The following METTL24 variants were observed in gnomAD, a reference collection of about 807,000 sequenced individuals.
METTL24 encodes the protein methyltransferase like 24.
In METTL24, 29 loss-of-function variants were observed where a neutral mutation model predicts 32.7. The observed-to-expected ratio is 0.89, with a 90% CI of 0.66 to 1.21. The LOEUF is 1.21. METTL24 is among the 50% of genes most tolerant of loss of function. METTL24 has a pLI of 0.00. For synonymous variants in METTL24, 163 were observed against 179.5 expected, an observed-to-expected ratio of 0.91 and a Z score of 0.73; for missense variants, 439 against 468.1, an observed-to-expected ratio of 0.94 and a Z score of 0.57.
intron 3 of METTL24, among the ~76,000 whole-genome samples, chr6:110,304,458 T>G (rs1771592945): frequency 6.6e-6 from 1 of 152,128 alleles, no homozygotes; most frequent in African/African-American, 2.4e-5. Context: ...AAATAACTAG[T>G]TTAGAGAAGA....
chr6:110,334,886 C>T (rs1033610202), intron 1 of METTL24, among the ~76,000 whole-genome samples: 3 of 152,174 alleles, frequency 2.0e-5, no homozygotes, highest in African/African-American at 4.8e-5. Flanking sequence ...TTACAGATAA[C>T]GCTCTGGTTC....
chr6:110,254,590 C>T (rs1487307571), intron 4 of METTL24, among the ~76,000 whole-genome samples: 7 of 152,092 alleles, frequency 4.6e-5, no homozygotes, highest in Non-Finnish European at 1.0e-4. Flanking sequence ...CGAGATCATG[C>T]CACTGCACTC....
At chr6:110,279,974 A>G (rs997187274) in intron 4 of METTL24, among the ~76,000 whole-genome samples, 1 of 152,184 alleles carries the variant, frequency 6.6e-6, no homozygotes, top group African/African-American at 2.4e-5. Flanking sequence ...AAGGCAAAGG[A>G]GAAGCAGGCA....
At chr6:110,334,333 C>T (rs9320324) in intron 1 of METTL24, among the ~76,000 whole-genome samples, 76,907 of 151,880 alleles carry the variant, frequency 0.51, 22,341 homozygotes, top group African/African-American at 0.81. Context: ...AGTCAGCAAG[C>T]GCAGGAGAAC....
chr6:110,311,580 T>C (rs1158934459), intron 3 of METTL24, among the ~76,000 whole-genome samples: 1 of 151,244 alleles, frequency 6.6e-6, no homozygotes. Context: ...TTCAAGTGAT[T>C]CTCCAGCCTC....
intron 4 of METTL24, among the ~76,000 whole-genome samples, chr6:110,261,099 C>A (rs1195094022): frequency 6.6e-6 from 1 of 152,154 alleles, no homozygotes; most frequent in African/African-American, 2.4e-5. Flanking sequence ...ATGACAGGAT[C>A]AAATTCACAA....
intron 4 of METTL24, among the ~76,000 whole-genome samples, chr6:110,260,132 T>G (rs761323245): frequency 9.9e-5 from 15 of 152,172 alleles, no homozygotes; most frequent in Non-Finnish European, 2.2e-4. Flanking sequence ...TTTGACGAGC[T>G]GAGAGAAGAA....
At chr6:110,276,264 T>A (rs541741502) in intron 4 of METTL24, among the ~76,000 whole-genome samples, 1 of 152,112 alleles carries the variant, frequency 6.6e-6, no homozygotes, top group African/African-American at 2.4e-5. Context: ...GAGACCCTCA[T>A]CTCTACCAAA....
intron 4 of METTL24, among the ~76,000 whole-genome samples, chr6:110,272,924 C>T (rs1398421177): frequency 6.6e-6 from 1 of 152,052 alleles, no homozygotes; most frequent in East Asian, 1.9e-4. Context: ...TGTCTGTTTA[C>T]TTTGCTGATT....
At chr6:110,282,388 C>T (rs1482116842) in intron 4 of METTL24, among the ~76,000 whole-genome samples, 1 of 152,080 alleles carries the variant, frequency 6.6e-6, no homozygotes, top group Non-Finnish European at 1.5e-5. Flanking sequence ...ATAAATAGTG[C>T]CCATGTGGGG....
chr6:110,282,319 C>G (rs978965925), intron 4 of METTL24, among the ~76,000 whole-genome samples: 11 of 152,096 alleles, frequency 7.2e-5, no homozygotes, highest in African/African-American at 2.4e-4. Flanking sequence ...ATACTTCATC[C>G]CCAGTAATTG....
At chr6:110,318,651 CAAAAAAAA>C (rs56890760) in intron 2 of METTL24, among the ~76,000 whole-genome samples, 1 of 90,580 alleles carries the variant, frequency 1.1e-5, no homozygotes, top group African/African-American at 3.5e-5. Context: ...GACTCTACCT[CAAAAAAAA>C]AAAAAAAAAA....
intron 4 of METTL24, among the ~76,000 whole-genome samples, chr6:110,282,317 T>A (rs926210203): frequency 1.3e-5 from 2 of 152,100 alleles, no homozygotes; most frequent in Non-Finnish European, 2.9e-5. Flanking sequence ...TGATACTTCA[T>A]CCCCAGTAAT....
rs12662097 is a variant in METTL24 at position 110,335,578 on chromosome 6, T to G, written c.319-12706A>C. On this transcript the variant is annotated intron_variant, in intron 1 of 4. Coordinates refer to ENST00000338882, the MANE Select transcript of METTL24 (RefSeq NM_001123364.3). The stretch of plus-strand genomic sequence containing the variant: ...GTAGGGAATCATTGTTTTTTTTTTT[T>G]TTTTTTTTTTTTTTTTATGAAAAAA... Among the ~76,000 whole-genome samples the G allele has an allele frequency of 9.4e-4, 137 of 146,170 alleles. 1 individual carries two copies. The highest frequency in any genetic ancestry group is 2.4e-3 in the African/African-American group (96 of 39,578).
At chr6:110,355,776 C>T (rs1371194800) in intron 1 of METTL24, among the ~76,000 whole-genome samples, 1 of 152,170 alleles carries the variant, frequency 6.6e-6, no homozygotes, top group Non-Finnish European at 1.5e-5. Flanking sequence ...CCTCCTCATC[C>T]ACCTTCCAAA....
chr6:110,315,695 T>C (rs1771807848), intron 2 of METTL24, among the ~76,000 whole-genome samples: 1 of 152,146 alleles, frequency 6.6e-6, no homozygotes, highest in African/African-American at 2.4e-5. Flanking sequence ...ATGGAGACTA[T>C]ATGCAGGTTT....
At chr6:110,275,347 G>A (rs1771030457) in intron 4 of METTL24, among the ~76,000 whole-genome samples, 1 of 151,898 alleles carries the variant, frequency 6.6e-6, no homozygotes, top group Admixed American at 6.6e-5. Context: ...TACCCTCTGT[G>A]CCAGCCATGC....
chr6:110,284,311 T>C (rs993695817), intron 4 of METTL24, among the ~76,000 whole-genome samples: 1 of 152,166 alleles, frequency 6.6e-6, no homozygotes, highest in Non-Finnish European at 1.5e-5. Context: ...TACTTAACAC[T>C]ACTGAACTGT....
At chr6:110,328,552 A>G (rs949605843) in intron 1 of METTL24, among the ~76,000 whole-genome samples, 1 of 152,232 alleles carries the variant, frequency 6.6e-6, no homozygotes, top group African/African-American at 2.4e-5. Context: ...AAGCACAGCC[A>G]TGAGGCTTTG....
Sources: gnomAD v4.1 joint callset for allele counts (sites outside exome capture counted in the v4.1 genomes callset) on GRCh38, gnomAD v4.1.1 for gene constraint, MANE v1.5 for transcripts, NCBI Gene and HGNC (gene_info 2026-07-23, HGNC 2026-07-21) for gene names.